The following EPM2A variants were observed in gnomAD, a reference collection of about 807,000 sequenced individuals.
The protein encoded by EPM2A is EPM2A glucan phosphatase, laforin.
EPM2A carries 21 observed loss-of-function variants against 26.5 expected under a neutral mutation model. The observed-to-expected ratio is 0.79, with a 90% CI of 0.56 to 1.14. EPM2A has a LOEUF of 1.14. EPM2A is among the 50% of genes most tolerant of loss of function. The probability of loss-of-function intolerance (pLI) is 0.00; values close to 1 mark genes in which losing one functional copy is unlikely to be tolerated. For missense variants in EPM2A, 458 were observed against 440.8 expected (o/e 1.04, Z -0.35); for synonymous variants, 217 against 177.6 (o/e 1.22, Z -1.76).
intron 2 of EPM2A, chr6:145,670,371 C>A (rs1211174999): frequency 6.6e-6 from 1 of 152,134 alleles, no homozygotes; most frequent in Non-Finnish European, 1.5e-5. Flanking sequence ...TCCTATGATA[C>A]AACCTGAGAT....
At chr6:145,621,450 T>C (rs1331494222), downstream of EPM2A, among the ~76,000 whole-genome samples, 5 of 152,226 alleles carry the variant, frequency 3.3e-5, no homozygotes, top group South Asian at 8.3e-4. Flanking sequence ...TTTGGATATA[T>C]ACCCAGAAGT....
intron 2 of EPM2A, among the ~76,000 whole-genome samples, chr6:145,644,876 C>G (rs10872579): frequency 0.45 from 68,423 of 151,790 alleles, 15,833 homozygotes; most frequent in South Asian, 0.53. Flanking sequence ...AGGATCCATA[C>G]ATATGGGAAA....
At chr6:145,638,159 A>C (rs1489270958) in intron 2 of EPM2A, 13 of 152,210 alleles carry the variant, frequency 8.5e-5, no homozygotes, top group Admixed American at 8.5e-4. Flanking sequence ...ATTTTCTTGA[A>C]TATTGCACTC....
chr6:145,550,950 T>A (rs1447553108), intron 2 of EPM2A, among the ~76,000 whole-genome samples: 1 of 151,958 alleles, frequency 6.6e-6, no homozygotes, highest in Admixed American at 6.6e-5. Context: ...AAAACTTACA[T>A]GTGAATTTTT....
In EPM2A at chr6:145,407,069, G is replaced by T. The variant is rs759833060; in HGVS notation, c.556-22972C>A. ...AATGCAAAGTGCACAGATGCTGACCGTGCGATCCCCAGCTAACCCAGGGTC... is the reference window on the plus strand; with the variant it reads ...AATGCAAAGTGCACAGATGCTGACCTTGCGATCCCCAGCTAACCCAGGGTC... On this transcript the variant is annotated intron_variant, in intron 4 of 4. Coordinates refer to the EPM2A transcript ENST00000638717. Among the ~76,000 whole-genome samples the T allele has an allele frequency of 2.6e-5, 4 of 152,086 alleles. No individual in the cohort carries two copies. The South Asian group carries it at 6.2e-4, about 24-fold the overall frequency.
intron 2 of EPM2A, among the ~76,000 whole-genome samples, chr6:145,526,594 T>C (rs528028461): frequency 1.3e-5 from 2 of 152,238 alleles, no homozygotes; most frequent in South Asian, 4.1e-4. Context: ...GAGTTTGTAA[T>C]AGGTTCTGAG....
At chr6:145,534,765 G>C (rs1223337953) in intron 2 of EPM2A, among the ~76,000 whole-genome samples, 1 of 152,286 alleles carries the variant, frequency 6.6e-6, no homozygotes, top group Middle Eastern at 3.4e-3. Context: ...TTGTGATCTT[G>C]TGAAATCTAG....
chr6:145,432,094 C>A (rs1384997591), intron 4 of EPM2A, among the ~76,000 whole-genome samples: 1 of 152,178 alleles, frequency 6.6e-6, no homozygotes, highest in Non-Finnish European at 1.5e-5. Flanking sequence ...GACTCTAGTT[C>A]ACTTGCTATT....
intron 4 of EPM2A, among the ~76,000 whole-genome samples, chr6:145,456,081 T>C (rs545134395): frequency 6.6e-6 from 1 of 152,302 alleles, no homozygotes; most frequent in South Asian, 2.1e-4. Context: ...TGTATGTAAA[T>C]GTGCACACTG....
chr6:145,554,028 GC>G (rs1183311982), intron 2 of EPM2A, among the ~76,000 whole-genome samples: 1 of 151,662 alleles, frequency 6.6e-6, no homozygotes, highest in Non-Finnish European at 1.5e-5. Flanking sequence ...TTTGTATAAT[GC>G]TTTACAGTTG....
Position 145,625,714 on chromosome 6 carries a change from T to C in EPM2A, c.*1702A>G, listed in dbSNP as rs757334796. ...GTAAAATTATAGTGGAAATGTGTCCTGGCTAGCTGCCTCTGCCCAAAGCAA... is the reference window on the plus strand; with the variant it reads ...GTAAAATTATAGTGGAAATGTGTCCCGGCTAGCTGCCTCTGCCCAAAGCAA... On this transcript the variant is annotated 3_prime_UTR_variant, in exon 4 of 4. Transcript: ENST00000367519. 1 of 814,178 alleles carries C rather than the reference T, an allele frequency of 1.2e-6. No individual in the cohort carries two copies. Among genetic ancestry groups the C allele is most frequent in the East Asian group, 2.4e-5 (1 of 41,284 alleles). The allele number at this position is 814,178 out of a possible 1,614,324, so 50.4% of individuals were successfully genotyped here.
chr6:145,400,130 T>A (rs1171683034), intron 4 of EPM2A, among the ~76,000 whole-genome samples: 1 of 152,054 alleles, frequency 6.6e-6, no homozygotes, highest in Non-Finnish European at 1.5e-5. Flanking sequence ...GCCACAGGGG[T>A]CCCACAGATG....
intron 2 of EPM2A, among the ~76,000 whole-genome samples, chr6:145,654,889 A>G (rs1778151091): frequency 6.6e-6 from 1 of 152,188 alleles, no homozygotes; most frequent in African/African-American, 2.4e-5. Flanking sequence ...TCACTTGTAT[A>G]AAGTTGAACT....
At chr6:145,653,877 TTGAC>T (rs1446759111) in intron 2 of EPM2A, among the ~76,000 whole-genome samples, 1 of 152,248 alleles carries the variant, frequency 6.6e-6, no homozygotes, top group East Asian at 1.9e-4. Flanking sequence ...AGAATAATGT[TTGAC>T]TGGCTATCTG....
intron 2 of EPM2A, among the ~76,000 whole-genome samples, chr6:145,600,977 C>T (rs1781409776): frequency 6.6e-6 from 1 of 152,222 alleles, no homozygotes; most frequent in Non-Finnish European, 1.5e-5. Flanking sequence ...CTGAATCTCT[C>T]CCCAGGTTGG....
intron 2 of EPM2A, among the ~76,000 whole-genome samples, chr6:145,521,214 T>C (rs545453442): frequency 1.3e-5 from 2 of 152,296 alleles, no homozygotes; most frequent in East Asian, 1.9e-4. Flanking sequence ...AGGGATTCTA[T>C]AGAAGTTTTC....
At chr6:145,386,539 A>C (rs1282534339) in intron 4 of EPM2A, among the ~76,000 whole-genome samples, 1 of 152,180 alleles carries the variant, frequency 6.6e-6, no homozygotes, top group Non-Finnish European at 1.5e-5. Context: ...GACCTGTTAA[A>C]GCTATCTTTA....
At chr6:145,565,497 T>TAAA (rs150242373) in intron 2 of EPM2A, among the ~76,000 whole-genome samples, 4,822 of 152,254 alleles carry the variant, frequency 0.032, 84 homozygotes, top group African/African-American at 0.056. Flanking sequence ...CCTGTGATCT[T>TAAA]AAAACATGTA....
rs900754222 is a variant in EPM2A at position 145,702,903 on chromosome 6, A to G, written c.302-16607T>C. On this transcript the variant is annotated intron_variant, in intron 1 of 3. Transcript: ENST00000367519. Reference sequence around the variant, plus strand: ...CTCTTTTCTCTTTGACTTGTGATCAATGCAATTTCTCTTGTTCTCTATTTT... The same window carrying G: ...CTCTTTTCTCTTTGACTTGTGATCAGTGCAATTTCTCTTGTTCTCTATTTT... 9.9e-5 allele frequency among the ~76,000 whole-genome samples: 15 copies of G among 152,268 alleles called. No homozygotes were observed. The East Asian group carries it at 1.7e-3, about 18-fold the overall frequency.
Sources: gnomAD v4.1 joint callset for allele counts (sites outside exome capture counted in the v4.1 genomes callset) on GRCh38, gnomAD v4.1.1 for gene constraint, MANE v1.5 for transcripts, NCBI Gene and HGNC (gene_info 2026-07-23, HGNC 2026-07-21) for gene names.